GTF2IRD1: variants seen among roughly 807,000 people sequenced by gnomAD.
GTF2IRD1 encodes the protein general transcription factor II-I repeat domain-containing protein 1.
Under a neutral mutation model 113.2 loss-of-function variants are expected in GTF2IRD1, and 26 were observed. The ratio of observed to expected loss-of-function variants is 0.23; its 90% CI spans 0.17 to 0.32. The LOEUF is 0.32. Ranked by LOEUF, GTF2IRD1 falls within the 10% of genes least tolerant of loss-of-function variation. The pLI, the probability that GTF2IRD1 is intolerant of heterozygous loss-of-function variation, is 1.00. For synonymous variants in GTF2IRD1, 484 were observed against 529.1 expected (o/e 0.91, Z 1.17); for missense variants, 864 against 1,280.8 (o/e 0.67, Z 4.97).
intron 1 of GTF2IRD1, among the ~76,000 whole-genome samples, chr7:74,504,831 C>G (rs1419511852): frequency 2.0e-5 from 3 of 151,390 alleles, no homozygotes; most frequent in African/African-American, 7.3e-5. Context: ...CCTCAGACTC[C>G]CAAGTAGCTG....
At position 74,512,972 on chromosome 7, in the gene GTF2IRD1, G is replaced by A. The variant is rs1554343468; in HGVS notation, c.265+1G>A. On this transcript the variant is annotated splice_donor_variant, in intron 3 of 26. Coordinates refer to ENST00000424337, the MANE Select transcript of GTF2IRD1 (RefSeq NM_005685.4). LOFTEE classifies it high-confidence loss of function. This position sits in a 1 kb window ranked among gnomAD's most constrained non-coding sequence, Gnocchi z 4.4. ...CAGTCAGACTTCCTCAGGTTCTGCC[G>A]TGAGTACCCCAGGGCTCCGGAGGGC... The A allele has an allele frequency of 1.2e-6, 2 of 1,613,346 alleles. No individual in the cohort carries two copies. Among genetic ancestry groups the A allele is most frequent in the Non-Finnish European group, 1.7e-6 (2 of 1,179,718 alleles).
intron 10 of GTF2IRD1, among the ~76,000 whole-genome samples, chr7:74,535,603 A>G (rs2074669): frequency 0.037 from 5,577 of 152,270 alleles, 435 homozygotes; most frequent in East Asian, 0.34. Flanking sequence ...GGGCCAGCAC[A>G]CCTGTCCCAG....
intron 22 of GTF2IRD1, among the ~76,000 whole-genome samples, chr7:74,588,214 TCTC>T (rs1473749559): frequency 1.3e-5 from 2 of 151,792 alleles, no homozygotes; most frequent in East Asian, 3.9e-4. Flanking sequence ...TTCAAGCAGT[TCTC>T]CTGTCTCAAT....
intron 22 of GTF2IRD1, among the ~76,000 whole-genome samples, chr7:74,589,385 A>G (rs1801917333): frequency 6.6e-6 from 1 of 151,902 alleles, no homozygotes; most frequent in African/African-American, 2.4e-5. Flanking sequence ...ATGGAGGGAC[A>G]GACCAATAAC....
At chr7:74,468,732 A>G (rs1390966444) in intron 1 of GTF2IRD1, among the ~76,000 whole-genome samples, 1 of 147,768 alleles carries the variant, frequency 6.8e-6, no homozygotes, top group Non-Finnish European at 1.5e-5. Flanking sequence ...GTAGCCTGGC[A>G]GACTTTAGAT....
intron 9 of GTF2IRD1, 93 bp from the exon 10 acceptor site, chr7:74,535,020 C>A: frequency 9.9e-7 from 1 of 1,008,494 alleles, no homozygotes; most frequent in Non-Finnish European, 1.6e-6. Flanking sequence ...CACTCAGTGA[C>A]CATCACCAAA....
In GTF2IRD1 at chr7:74,515,664, AG is replaced by A. The variant is rs1421295770; in HGVS notation, c.421+73del. The A allele has an allele frequency of 5.8e-5, 84 of 1,455,000 alleles. 1 individual carries two copies. Among genetic ancestry groups the A allele is most frequent in the Non-Finnish European group, 7.4e-5 (79 of 1,074,040 alleles). 90.1% of individuals were successfully genotyped at this position (1,455,000 alleles called of 1,614,324 possible). On this transcript the variant is annotated intron_variant, in intron 4 of 26. Transcript: ENST00000424337. ...GGGAGCCTCGGTCCCCACCCAGCAG[AG>A]GGGGCCCCCTCCTGTCCCACTATGG...
At chr7:74,564,661 C>T (rs1302640022) in intron 22 of GTF2IRD1, among the ~76,000 whole-genome samples, 3 of 152,184 alleles carry the variant, frequency 2.0e-5, no homozygotes, top group East Asian at 1.9e-4. Context: ...GAGGCTGAGG[C>T]GGGAGGATCC....
intron 8 of GTF2IRD1, 46 bp downstream of exon 8, chr7:74,524,200 G>A (rs373284820): frequency 7.4e-7 from 1 of 1,349,724 alleles, no homozygotes; most frequent in Non-Finnish European, 1.0e-6. Flanking sequence ...CAGCCGTGTT[G>A]AGCATCTCAT....
At chr7:74,479,252 A>G (rs37616) in intron 1 of GTF2IRD1, among the ~76,000 whole-genome samples, 129,909 of 152,144 alleles carry the variant, frequency 0.85, 55,916 homozygotes, top group African/African-American at 0.96. Flanking sequence ...ACCTTCCGAG[A>G]TCCTTGGCCT....
At chr7:74,534,527 G>C (rs587669370) in intron 9 of GTF2IRD1, among the ~76,000 whole-genome samples, 1 of 151,094 alleles carries the variant, frequency 6.6e-6, no homozygotes, top group Non-Finnish European at 1.5e-5. Flanking sequence ...CCTTGAACCC[G>C]GGAGGCGGAG....
At chr7:74,471,702 C>CG (rs146922169) in intron 1 of GTF2IRD1, among the ~76,000 whole-genome samples, 1 of 21,340 alleles carries the variant, frequency 4.7e-5, no homozygotes, top group South Asian at 9.3e-4. Flanking sequence ...AAAAAAAAAA[C>CG]AAAAAAAACG....
chr7:74,572,472 C>T (rs587700088), intron 22 of GTF2IRD1: 1 of 441,442 alleles, frequency 2.3e-6, no homozygotes, highest in South Asian at 9.6e-5. Context: ...ACTTGCTTGT[C>T]TCTGATTTTA....
At chr7:74,496,747 C>T (rs1410637049) in intron 1 of GTF2IRD1, among the ~76,000 whole-genome samples, 1 of 152,058 alleles carries the variant, frequency 6.6e-6, no homozygotes, top group Non-Finnish European at 1.5e-5. Context: ...CCCCCTCCCT[C>T]TCTCCACTCC....
chr7:74,545,575 C>A (rs1554353012), intron 15 of GTF2IRD1, among the ~76,000 whole-genome samples, 169 bp from the exon 16 acceptor site: 1 of 152,138 alleles, frequency 6.6e-6, no homozygotes. Context: ...GAATTGTGGA[C>A]CTGTCTGCGT....
intron 21 of GTF2IRD1, among the ~76,000 whole-genome samples, chr7:74,559,380 G>A (rs1799810514): frequency 6.6e-6 from 1 of 152,218 alleles, no homozygotes; most frequent in East Asian, 1.9e-4. Flanking sequence ...CCCGGGGCCA[G>A]CCAGGGCAAA....
chr7:74,547,526 C>T (rs1159919908), intron 17 of GTF2IRD1, among the ~76,000 whole-genome samples: 1 of 150,846 alleles, frequency 6.6e-6, no homozygotes, highest in Non-Finnish European at 1.5e-5. Context: ...CTGCAACCTC[C>T]GCTCTGGCTT....
At chr7:74,533,699 G>A (rs587734741) in intron 9 of GTF2IRD1, among the ~76,000 whole-genome samples, 22 of 152,150 alleles carry the variant, frequency 1.4e-4, no homozygotes, top group African/African-American at 4.1e-4. Flanking sequence ...AGGGCTGGCC[G>A]CTCACTGCTT....
In GTF2IRD1 at chr7:74,508,070, C is replaced by G. The variant is rs1796398318; in HGVS notation, c.-6-5C>G. On this transcript the variant is annotated splice_region_variant and splice_polypyrimidine_tract_variant and intron_variant, in intron 1 of 26. Coordinates refer to ENST00000424337, the MANE Select transcript of GTF2IRD1 (RefSeq NM_005685.4). ...CCACCACCACTGCCTCCTCCCTCCC[C>G]ACAGGCGACCATGGCCTTGCTGGGT... 2 of 1,603,006 alleles carry G rather than the reference C, an allele frequency of 1.2e-6. No individual in the cohort carries two copies. The highest frequency in any genetic ancestry group is 1.7e-6 in the Non-Finnish European group (2 of 1,178,432).
Sources: allele counts gnomAD v4.1 joint callset (sites outside exome capture counted in the v4.1 genomes callset), GRCh38; gene constraint gnomAD v4.1.1; non-coding constraint Gnocchi (gnomAD v3.1); transcripts MANE v1.5; gene names NCBI Gene and HGNC (gene_info 2026-07-23, HGNC 2026-07-21).